The following PARD3 variants were observed in gnomAD, a reference collection of about 807,000 sequenced individuals.
The protein encoded by PARD3 is par-3 family cell polarity regulator, also known as partitioning defective 3 homolog.
A neutral mutation model predicts 155.4 loss-of-function variants in PARD3; 75 were observed. The observed-to-expected ratio is 0.48, with a 90% CI of 0.40 to 0.58. The LOEUF (loss-of-function observed/expected upper bound fraction) is 0.58. Among genes scored for constraint, PARD3 ranks in the 20% least tolerant of loss-of-function variants. The pLI is 0.00. For missense variants in PARD3, 1,642 were observed against 1,721.7 expected (o/e 0.95, Z 0.82); for synonymous variants, 576 against 610.5 (o/e 0.94, Z 0.83).
chr10:34,724,941 C>A (rs1488723580), intron 1 of PARD3, among the ~76,000 whole-genome samples: 1 of 152,208 alleles, frequency 6.6e-6, no homozygotes, highest in African/African-American at 2.4e-5. Flanking sequence ...GAAGCATCAG[C>A]TCATTCAGTA....
intron 20 of PARD3, among the ~76,000 whole-genome samples, chr10:34,301,109 C>T (rs769327969): frequency 2.2e-4 from 34 of 151,992 alleles, no homozygotes; most frequent in African/African-American, 3.9e-4. Flanking sequence ...ATCACAGTGC[C>T]ACGAAAAAAG....
At chr10:34,354,607 G>C (rs74633985) in intron 14 of PARD3, among the ~76,000 whole-genome samples, 10,239 of 152,104 alleles carry the variant, frequency 0.067, 463 homozygotes, top group Non-Finnish European at 0.096. Context: ...AAAATCCTTT[G>C]GAAGAGAAAA....
chr10:34,513,451 T>C (rs528437332), intron 3 of PARD3, among the ~76,000 whole-genome samples: 6 of 152,144 alleles, frequency 3.9e-5, no homozygotes, highest in Non-Finnish European at 8.8e-5. Context: ...CAGGTAATTT[T>C]TTTGTATTTT....
At chr10:34,627,320 G>C (rs2092028487) in intron 2 of PARD3, among the ~76,000 whole-genome samples, 1 of 152,178 alleles carries the variant, frequency 6.6e-6, no homozygotes, top group African/African-American at 2.4e-5. Context: ...GAGCCACCGT[G>C]CCCAGCTGCC....
chr10:34,138,806 T>C (rs1948034375), intron 22 of PARD3, among the ~76,000 whole-genome samples: 1 of 152,096 alleles, frequency 6.6e-6, no homozygotes. Context: ...ATGTACAAAA[T>C]TCTATTCCAA....
intron 1 of PARD3, among the ~76,000 whole-genome samples, chr10:34,707,701 A>C (rs1293294905): frequency 1.3e-5 from 2 of 152,158 alleles, no homozygotes; most frequent in African/African-American, 2.4e-5. Context: ...TACCATGAAC[A>C]CACACACACA....
intron 15 of PARD3, chr10:34,344,500 T>C: frequency 1.3e-6 from 1 of 754,852 alleles, no homozygotes. Flanking sequence ...CAGGCTGGTC[T>C]TAAACTCCTG....
chr10:34,791,430 C>G lies in PARD3; in HGVS notation c.120+23446G>C, dbSNP rs367652114. On this transcript the variant is annotated intron_variant, in intron 1 of 24. Transcript: ENST00000374788. ...CGGGACCAGGCCGGGGCCTCCTCCC[C>G]AGGAAGCCGGCTCGAAGCCAACACC... 5.4e-4 allele frequency among the ~76,000 whole-genome samples: 82 copies of G among 152,318 alleles called. No homozygotes were observed. The East Asian group carries it at 0.014, about 25-fold the overall frequency.
intron 2 of PARD3, among the ~76,000 whole-genome samples, chr10:34,525,683 T>C (rs1367036681): frequency 6.6e-6 from 1 of 151,978 alleles, no homozygotes; most frequent in African/African-American, 2.4e-5. Context: ...AGTAACTCTT[T>C]AAATTAACAA....
intron 3 of PARD3, among the ~76,000 whole-genome samples, chr10:34,493,499 C>T (rs1411419080): frequency 7.2e-5 from 11 of 151,986 alleles, no homozygotes; most frequent in Admixed American, 5.9e-4. Context: ...TGGGAGGCCA[C>T]GGCAGGCGGA....
At chr10:34,763,446 G>C (rs747530606) in intron 1 of PARD3, among the ~76,000 whole-genome samples, 2 of 152,132 alleles carry the variant, frequency 1.3e-5, no homozygotes, top group Non-Finnish European at 2.9e-5. Context: ...GTGTCCTCTG[G>C]GGGAAGGTGG....
chr10:34,466,382 G>A (rs946418479), intron 4 of PARD3, among the ~76,000 whole-genome samples: 3 of 152,088 alleles, frequency 2.0e-5, no homozygotes, highest in African/African-American at 4.8e-5. Context: ...TTGTGATTTT[G>A]AACCAAAGGA....
At chr10:34,396,758 C>A (rs557271499) in intron 7 of PARD3, among the ~76,000 whole-genome samples, 5 of 152,006 alleles carry the variant, frequency 3.3e-5, no homozygotes, top group African/African-American at 4.8e-5. Flanking sequence ...TTATTGTAGT[C>A]CTACTAGATA....
chr10:34,336,127 G>T, intron 18 of PARD3, 72 bp downstream of exon 18: 4 of 1,078,194 alleles, frequency 3.7e-6, no homozygotes, highest in South Asian at 2.5e-5. Flanking sequence ...GCATATGATT[G>T]GCAGCTCTAT....
chr10:34,363,568 T>C (rs1040510170), intron 12 of PARD3, among the ~76,000 whole-genome samples: 7 of 152,340 alleles, frequency 4.6e-5, no homozygotes, highest in Non-Finnish European at 1.0e-4. Flanking sequence ...AAATGCTATA[T>C]TACTGAGAAT....
chr10:34,137,563 G>A (rs1199319183), intron 22 of PARD3, among the ~76,000 whole-genome samples: 2 of 152,232 alleles, frequency 1.3e-5, no homozygotes, highest in African/African-American at 4.8e-5. Flanking sequence ...TGTAGCAAAA[G>A]AAAACGAACA....
At chr10:34,302,543 C>T (rs1480428715) in intron 20 of PARD3, among the ~76,000 whole-genome samples, 1 of 152,106 alleles carries the variant, frequency 6.6e-6, no homozygotes, top group Non-Finnish European at 1.5e-5. Flanking sequence ...AGGTTCTTAG[C>T]CACTACCCTA....
At chr10:34,316,672 G>C (rs1027427767) in intron 20 of PARD3, among the ~76,000 whole-genome samples, 1 of 151,978 alleles carries the variant, frequency 6.6e-6, no homozygotes, top group Non-Finnish European at 1.5e-5. Flanking sequence ...TGTCTCAATG[G>C]GGCTTTCACT....
chr10:34,202,334 A>G (rs2133346042), intron 22 of PARD3, among the ~76,000 whole-genome samples: 1 of 152,346 alleles, frequency 6.6e-6, no homozygotes, highest in Non-Finnish European at 1.5e-5. Flanking sequence ...TGGCCTCCCA[A>G]AGTGCTGGGA....
Sources: gnomAD v4.1 joint callset for allele counts (sites outside exome capture counted in the v4.1 genomes callset) on GRCh38, gnomAD v4.1.1 for gene constraint, MANE v1.5 for transcripts, NCBI Gene and HGNC (gene_info 2026-07-23, HGNC 2026-07-21) for gene names.